SEL1L: variants seen among roughly 807,000 people sequenced by gnomAD.
SEL1L encodes protein sel-1 homolog 1.
SEL1L carries 52 observed loss-of-function variants against 109.8 expected under a neutral mutation model. The ratio of observed to expected loss-of-function variants is 0.47; its 90% CI spans 0.38 to 0.60. The LOEUF (loss-of-function observed/expected upper bound fraction) is 0.60. Among genes scored for constraint, SEL1L ranks in the 20% least tolerant of loss-of-function variants. SEL1L has a pLI of 0.00. For synonymous variants in SEL1L, 373 were observed against 339.6 expected (o/e 1.10, Z -1.08); for missense variants, 749 against 962.2 (o/e 0.78, Z 2.93).
intron 3 of SEL1L, among the ~76,000 whole-genome samples, chr14:81,509,069 T>A (rs533214827): frequency 6.6e-6 from 1 of 152,158 alleles, no homozygotes; most frequent in Admixed American, 6.5e-5. Flanking sequence ...GTGAAGAAAA[T>A]TTGTTTCTCT....
chr14:81,484,548 T>C lies in SEL1L; in HGVS notation c.1874-151A>G, dbSNP rs541321589. ...TTGTAACAAATCCTTTCAGCCAAGT[T>C]ATAAAGTCCAGTAAAAATTTAAACT... On this transcript the variant is annotated intron_variant, in intron 18 of 20. Transcript: ENST00000336735. 5 of 704,498 alleles carry C rather than the reference T, an allele frequency of 7.1e-6. No homozygotes were observed. The East Asian group carries it at 8.3e-5, about 12-fold the overall frequency. 43.6% of individuals were successfully genotyped at this position (704,498 alleles called of 1,614,324 possible). A position where few individuals can be genotyped will look rare whatever the true frequency, so the allele number is the denominator to read the frequency against.
At chr14:81,532,337 A>G (rs192625768) in intron 1 of SEL1L, among the ~76,000 whole-genome samples, 51 of 152,350 alleles carry the variant, frequency 3.3e-4, no homozygotes, top group African/African-American at 1.2e-3. Context: ...TAACAAACCC[A>G]TAAGAGGAAT....
intron 6 of SEL1L, among the ~76,000 whole-genome samples, chr14:81,500,282 G>A (rs767823192): frequency 1.3e-5 from 2 of 152,012 alleles, no homozygotes; most frequent in Non-Finnish European, 2.9e-5. Flanking sequence ...CGCCTAGGCT[G>A]GAGACCAGTG....
Position 81,526,906 on chromosome 14 carries a change from G to A in SEL1L, c.167C>T (p.Ala56Val), listed in dbSNP as rs748654978. 6.3e-7 allele frequency: 1 copy of A among 1,599,788 alleles called. No individual in the cohort carries two copies. The highest frequency in any genetic ancestry group is 1.1e-5 in the South Asian group (1 of 88,162). The change falls in exon 3 of 21, where the codon GCT becomes GTT. Residue 56 changes from alanine to valine, a missense_variant. Ala to Val is a moderately conservative substitution (Grantham distance 64). Transcript: ENST00000336735. ...KDHTTAGRVVAGQIFLDSEES... is the reference protein window; with the variant it reads ...KDHTTAGRVVVGQIFLDSEES... ...TTCTGAATCAAGAAATATTTGACCA[G>A]CAACTACTCTGCCTGCAGTAGTATG... is the stretch of plus-strand genomic sequence containing the variant.
intron 3 of SEL1L, among the ~76,000 whole-genome samples, chr14:81,514,094 T>C (rs1884599909): frequency 6.6e-6 from 1 of 152,238 alleles, no homozygotes; most frequent in Admixed American, 6.5e-5. Context: ...GAATGATTTC[T>C]AGTATATACT....
intron 9 of SEL1L, 26 bp downstream of exon 9, chr14:81,498,387 A>T: frequency 6.4e-7 from 1 of 1,555,070 alleles, no homozygotes; most frequent in Admixed American, 1.9e-5. Flanking sequence ...TTTTTTCCTA[A>T]AAGGTAAAAG....
chr14:81,521,788 A>G (rs1566625897), intron 3 of SEL1L, among the ~76,000 whole-genome samples: 3 of 152,058 alleles, frequency 2.0e-5, no homozygotes, highest in African/African-American at 2.4e-5. Context: ...ATGTACTCCT[A>G]CTTATTAAAA....
At chr14:81,512,547 C>G (rs1174233318) in intron 3 of SEL1L, among the ~76,000 whole-genome samples, 1 of 152,192 alleles carries the variant, frequency 6.6e-6, no homozygotes, top group Non-Finnish European at 1.5e-5. Flanking sequence ...GGTGCAGCCA[C>G]TATCAGATTT....
In SEL1L at chr14:81,473,570, A is replaced by G. The variant is rs1903067197; in HGVS notation, c.*3402T>C. On this transcript the variant is annotated 3_prime_UTR_variant, in exon 21 of 21. Coordinates refer to ENST00000336735, the MANE Select transcript of SEL1L (RefSeq NM_005065.6). Reference sequence around the variant, plus strand: ...ATACTTCTAGTCATAATAATGTGTAATACATATATATATTATGAGATTCAC... The same window carrying G: ...ATACTTCTAGTCATAATAATGTGTAGTACATATATATATTATGAGATTCAC... 1 of 152,188 alleles carries G rather than the reference A, an allele frequency of 6.6e-6. No homozygotes were observed. Among genetic ancestry groups the G allele is most frequent in the Non-Finnish European group, 1.5e-5 (1 of 68,012 alleles). The allele number at this position is 152,188 out of a possible 1,614,324, so 9.4% of individuals were successfully genotyped here. A position where few individuals can be genotyped will look rare whatever the true frequency, so the allele number is the denominator to read the frequency against.
In SEL1L at chr14:81,511,164, G is replaced by A. The variant is rs184241277; in HGVS notation, c.341-4923C>T. On this transcript the variant is annotated intron_variant, in intron 3 of 20. Coordinates refer to ENST00000336735, the MANE Select transcript of SEL1L (RefSeq NM_005065.6). ...AAACTATCTTTGTAAATAAACACAC[G>A]CTATACGAAGAAAGCCACCACTTTA... is the stretch of plus-strand genomic sequence containing the variant. 2.0e-5 allele frequency among the ~76,000 whole-genome samples: 3 copies of A among 152,294 alleles called. No homozygotes were observed. In the East Asian group the frequency reaches 5.8e-4, roughly 29 times the overall value.
intron 19 of SEL1L, among the ~76,000 whole-genome samples, chr14:81,480,108 G>A (rs1903300434): frequency 1.3e-5 from 2 of 152,108 alleles, no homozygotes; most frequent in Admixed American, 6.5e-5. Flanking sequence ...AGCAACGTCT[G>A]GTTTCAGTTC....
intron 3 of SEL1L, among the ~76,000 whole-genome samples, chr14:81,508,283 CT>C: frequency 6.6e-6 from 1 of 152,072 alleles, no homozygotes; most frequent in Non-Finnish European, 1.5e-5. Flanking sequence ...AGGCAAATAA[CT>C]TTTTTTACCT....
At chr14:81,478,703 C>T (rs1402849732) in intron 20 of SEL1L, among the ~76,000 whole-genome samples, 1 of 152,194 alleles carries the variant, frequency 6.6e-6, no homozygotes, top group Non-Finnish European at 1.5e-5. Flanking sequence ...CCCACAAGAC[C>T]AGTGCTCTGG....
rs372191350 is a variant in SEL1L, at chr14:81,502,876, G to A, written c.622C>T (p.Arg208Trp). ...ATGCTTGCTGCCTTTTGGAGATACC[G>A]ATATGCTCTTCAAATGTAAACAATT... is the stretch of plus-strand genomic sequence containing the variant. The part of the protein sequence containing the change: ...NKKSQKREAY[R>W]YLQKAASMNH... The change falls in exon 6 of 21, where the codon CGG becomes TGG. Residue 208 changes from arginine to tryptophan, a missense_variant. Physicochemically the swap from Arg to Trp is moderately radical, Grantham distance 101 (BLOSUM62 -3). Coordinates refer to ENST00000336735, the MANE Select transcript of SEL1L (RefSeq NM_005065.6). The A allele has an allele frequency of 4.2e-5, 68 of 1,601,884 alleles. No homozygotes were observed. The highest frequency in any genetic ancestry group is 1.0e-4 in the South Asian group (9 of 88,400).
At chr14:81,480,711 C>T (rs1027016909) in intron 19 of SEL1L, among the ~76,000 whole-genome samples, 1 of 152,094 alleles carries the variant, frequency 6.6e-6, no homozygotes, top group African/African-American at 2.4e-5. Context: ...GAGTGAGACC[C>T]TGTTTCCAAA....
chr14:81,494,023 C>A (rs1595511128), intron 11 of SEL1L, among the ~76,000 whole-genome samples: 3 of 152,280 alleles, frequency 2.0e-5, no homozygotes. Flanking sequence ...CTCATCTATT[C>A]CCATAGATTC....
At chr14:81,508,162 G>A (rs1884316816) in intron 3 of SEL1L, among the ~76,000 whole-genome samples, 1 of 152,032 alleles carries the variant, frequency 6.6e-6, no homozygotes, top group African/African-American at 2.4e-5. Context: ...TGTGAAAAAA[G>A]ACATATCCTA....
intron 16 of SEL1L, among the ~76,000 whole-genome samples, chr14:81,486,944 T>C (rs1452738843): frequency 3.3e-5 from 5 of 151,692 alleles, no homozygotes; most frequent in African/African-American, 9.7e-5. Context: ...TTTTGGAACA[T>C]TCATTCAACT....
chr14:81,505,362 A>C (rs1025668302), intron 4 of SEL1L, among the ~76,000 whole-genome samples: 1 of 152,214 alleles, frequency 6.6e-6, no homozygotes, highest in Admixed American at 6.5e-5. Flanking sequence ...CATTAGAACC[A>C]GTATTTATAG....
Sources: gnomAD v4.1 joint callset for allele counts (sites outside exome capture counted in the v4.1 genomes callset) on GRCh38, gnomAD v4.1.1 for gene constraint, MANE v1.5 for transcripts, NCBI Gene and HGNC (gene_info 2026-07-23, HGNC 2026-07-21) for gene names.